PKP4: variants seen among roughly 807,000 people sequenced by gnomAD.
PKP4 encodes the protein plakophilin 4, also known as plakophilin-4.
PKP4 carries 90 observed loss-of-function variants against 145.1 expected under a neutral mutation model. The observed-to-expected ratio is 0.62, with a 90% CI of 0.52 to 0.74. The LOEUF (loss-of-function observed/expected upper bound fraction) is 0.74. Among genes scored for constraint, PKP4 ranks in the 30% least tolerant of loss-of-function variants. PKP4 has a pLI of 0.00. For missense variants in PKP4, 1,340 were observed against 1,482.7 expected (o/e 0.90, Z 1.58); for synonymous variants, 563 against 577.2 (o/e 0.98, Z 0.35).
intron 1 of PKP4, among the ~76,000 whole-genome samples, chr2:158,507,675 A>C (rs546709670): frequency 1.2e-4 from 19 of 152,264 alleles, no homozygotes; most frequent in African/African-American, 4.6e-4. Context: ...CACATTACTG[A>C]AGTTAACATT....
rs1346346481 is a variant in PKP4 at position 158,676,776 on chromosome 2, C to A, written c.3165C>A (p.Ile1055=). Residue 1055 remains isoleucine, a synonymous_variant, in exon 20 of 22, where the codon ATC becomes ATA. Coordinates refer to ENST00000389759, the MANE Select transcript of PKP4 (RefSeq NM_003628.6). The stretch of plus-strand genomic sequence containing the variant: ...CTTCCTCACCAGCACTGTTAGGAAT[C>A]AGAGACCCTCGCTCTGAATACGATA... ...STSSSPALLG[I]RDPRSEYDRT... is the part of the protein sequence containing the mutation. 1 of 1,614,138 alleles carries A rather than the reference C, an allele frequency of 6.2e-7. No individual in the cohort carries two copies. The highest frequency in any genetic ancestry group is 1.3e-5 in the African/African-American group (1 of 75,048).
chr2:158,624,537 G>A (rs551331989), intron 6 of PKP4, among the ~76,000 whole-genome samples: 1 of 152,264 alleles, frequency 6.6e-6, no homozygotes, highest in East Asian at 1.9e-4. Flanking sequence ...TGAATTACAT[G>A]TAACACTTAG....
intron 1 of PKP4, among the ~76,000 whole-genome samples, chr2:158,463,633 A>G (rs775010606): frequency 2.0e-5 from 3 of 152,172 alleles, no homozygotes; most frequent in Admixed American, 6.5e-5. Flanking sequence ...TTTCTTGTCT[A>G]TAAAATGAGG....
At chr2:158,506,333 G>A (rs1175514410) in intron 1 of PKP4, among the ~76,000 whole-genome samples, 5 of 152,160 alleles carry the variant, frequency 3.3e-5, no homozygotes, top group African/African-American at 7.2e-5. Context: ...ATAATTTTTT[G>A]TATCAGTGCT....
chr2:158,506,606 C>T (rs2041000417), intron 1 of PKP4, among the ~76,000 whole-genome samples: 1 of 152,190 alleles, frequency 6.6e-6, no homozygotes, highest in Non-Finnish European at 1.5e-5. Flanking sequence ...ATAGTTTCTA[C>T]TCTCTTTAAA....
chr2:158,603,780 C>T (rs2105851606), intron 4 of PKP4, among the ~76,000 whole-genome samples: 1 of 152,310 alleles, frequency 6.6e-6, no homozygotes, highest in East Asian at 1.9e-4. Flanking sequence ...CCCCATGGAG[C>T]TTACATCGTA....
At chr2:158,571,136 T>C (rs1559339367) in intron 2 of PKP4, among the ~76,000 whole-genome samples, 1 of 152,176 alleles carries the variant, frequency 6.6e-6, no homozygotes, top group Non-Finnish European at 1.5e-5. Context: ...TTCTTAATTG[T>C]CGTCATCATA....
chr2:158,464,406 A>C (rs1186205781), intron 1 of PKP4, among the ~76,000 whole-genome samples: 1 of 152,242 alleles, frequency 6.6e-6, no homozygotes, highest in Non-Finnish European at 1.5e-5. Flanking sequence ...TTCTATAAAA[A>C]GTAATTTAAA....
intron 4 of PKP4, among the ~76,000 whole-genome samples, chr2:158,609,523 T>G (rs1045349363): frequency 6.6e-6 from 1 of 152,248 alleles, no homozygotes; most frequent in Non-Finnish European, 1.5e-5. Flanking sequence ...CTCTACCTTT[T>G]TTCTTAAGTT....
At chr2:158,619,684 T>C (rs1357418298) in intron 4 of PKP4, among the ~76,000 whole-genome samples, 1 of 152,152 alleles carries the variant, frequency 6.6e-6, no homozygotes, top group Non-Finnish European at 1.5e-5. Context: ...AAGCTGCTGT[T>C]GTTACTGGGA....
chr2:158,587,253 C>G (rs1054122070), intron 3 of PKP4, among the ~76,000 whole-genome samples: 1 of 152,048 alleles, frequency 6.6e-6, no homozygotes, highest in Non-Finnish European at 1.5e-5. Flanking sequence ...GAGGCCCATA[C>G]ATCTAAAATA....
Position 158,662,958 on chromosome 2 carries a change from C to T in PKP4, c.2273C>T (p.Pro758Leu), listed in dbSNP as rs1306390180. ...NLSYRLELEV[P>L]QARLLGLNEL... is the part of the protein sequence containing the mutation. The stretch of plus-strand genomic sequence containing the variant: ...TCCTATCGGCTGGAGCTGGAGGTGC[C>T]CCAGGCCCGGTTACTGGGACTGAAC... Residue 758 changes from proline (P) to leucine (L), a missense_variant, in exon 14 of 22, where the codon CCC becomes CTC. Physicochemically the swap from Pro to Leu is moderately conservative, Grantham distance 98 (BLOSUM62 -3). Coordinates refer to ENST00000389759, the MANE Select transcript of PKP4 (RefSeq NM_003628.6). 1 of 1,613,584 alleles carries T rather than the reference C, an allele frequency of 6.2e-7. No homozygotes were observed. The highest frequency in any genetic ancestry group is 8.5e-7 in the Non-Finnish European group (1 of 1,179,912).
chr2:158,668,504 C>T (rs2057304783), intron 16 of PKP4, among the ~76,000 whole-genome samples: 1 of 152,226 alleles, frequency 6.6e-6, no homozygotes, highest in Admixed American at 6.5e-5. Flanking sequence ...GAGGGGACCG[C>T]CAGGCTCACT....
rs1323427548 is a variant in PKP4 at position 158,673,933 on chromosome 2, A to G, written c.3060A>G (p.Arg1020=). Residue 1020 remains arginine (R), a synonymous_variant, in exon 19 of 22, where the codon CGA becomes CGG. Transcript: ENST00000389759. The stretch of plus-strand genomic sequence containing the variant: ...TTACACCTGTGTCGACATTGGAGCG[A>G]GACCGATTCAAATCACATCCTTCCT... The part of the protein sequence containing the change: ...HFITPVSTLE[R]DRFKSHPSLS... 6.2e-7 allele frequency: 1 copy of G among 1,613,584 alleles called. No individual in the cohort carries two copies. The highest frequency in any genetic ancestry group is 1.1e-5 in the South Asian group (1 of 91,072).
At chr2:158,468,937 A>G (rs1387161576) in intron 1 of PKP4, among the ~76,000 whole-genome samples, 1 of 151,076 alleles carries the variant, frequency 6.6e-6, no homozygotes, top group African/African-American at 2.4e-5. Context: ...ACCATGCCCG[A>G]CTAATTTTTT....
At chr2:158,457,773 C>T (rs1031816824) in intron 1 of PKP4, 4 of 153,962 alleles carry the variant, frequency 2.6e-5, no homozygotes, top group African/African-American at 9.6e-5. Context: ...TCCCCGAAGT[C>T]CTGTACTCCT....
intron 1 of PKP4, among the ~76,000 whole-genome samples, chr2:158,487,883 G>A (rs2105454677): frequency 6.6e-6 from 1 of 151,976 alleles, no homozygotes; most frequent in South Asian, 2.1e-4. Context: ...AGCTCTTTGG[G>A]GAATAAATAT....
chr2:158,601,753 G>C (rs1439348743), intron 3 of PKP4, among the ~76,000 whole-genome samples: 1 of 152,104 alleles, frequency 6.6e-6, no homozygotes, highest in East Asian at 1.9e-4. Flanking sequence ...ATGGAGAAAA[G>C]GCAAATCACA....
intron 3 of PKP4, among the ~76,000 whole-genome samples, chr2:158,580,125 T>C (rs1032668607): frequency 2.6e-5 from 4 of 152,232 alleles, no homozygotes; most frequent in African/African-American, 9.6e-5. Flanking sequence ...GGTTGATATA[T>C]GCATGGCTAT....
Sources: gnomAD v4.1 joint callset for allele counts (sites outside exome capture counted in the v4.1 genomes callset) on GRCh38, gnomAD v4.1.1 for gene constraint, MANE v1.5 for transcripts, NCBI Gene and HGNC (gene_info 2026-07-23, HGNC 2026-07-21) for gene names.